The following TESK2 variants were observed in gnomAD, a reference collection of about 807,000 sequenced individuals.
TESK2 encodes the protein testis associated actin remodelling kinase 2.
Under a neutral mutation model 57.1 loss-of-function variants are expected in TESK2, and 39 were observed. That is an observed-to-expected ratio of 0.68 (90% CI 0.53 to 0.89). TESK2 has a LOEUF of 0.89. Among genes scored for constraint, TESK2 ranks in the 40% least tolerant of loss-of-function variants. The pLI is 0.00. For synonymous variants in TESK2, 249 were observed against 267.9 expected, an observed-to-expected ratio of 0.93 and a Z score of 0.69; for missense variants, 646 against 732.1, an observed-to-expected ratio of 0.88 and a Z score of 1.36.
intron 4 of TESK2, among the ~76,000 whole-genome samples, chr1:45,368,242 A>G (rs1408967474): frequency 6.6e-6 from 1 of 151,068 alleles, no homozygotes; most frequent in Non-Finnish European, 1.5e-5. Context: ...TGATCCACCC[A>G]TCTTGGCCTC....
chr1:45,392,791 C>T (rs1178432961), intron 3 of TESK2, among the ~76,000 whole-genome samples: 6 of 152,178 alleles, frequency 3.9e-5, no homozygotes, highest in South Asian at 2.1e-4. Flanking sequence ...GATCCTCCCA[C>T]CTCGGCCTCC....
intron 1 of TESK2, among the ~76,000 whole-genome samples, chr1:45,471,734 G>A (rs1206645974): frequency 6.6e-6 from 1 of 151,904 alleles, no homozygotes; most frequent in Non-Finnish European, 1.5e-5. Context: ...AGATAAGAGG[G>A]AAGGCTTAAT....
rs1414784306 is a variant in TESK2 at position 45,449,430 on chromosome 1, C to T, written c.222+8134G>A. On this transcript the variant is annotated intron_variant, in intron 2 of 10. Transcript: ENST00000372086. ...CAGCAGCTTTATTCATAATTGTCAA[C>T]ATATTGAAGCAACCAAGATGTCCTT... is the stretch of plus-strand genomic sequence containing the variant. 5.9e-5 allele frequency among the ~76,000 whole-genome samples: 9 copies of T among 151,972 alleles called. No homozygotes were observed. In the East Asian group the frequency reaches 9.6e-4, roughly 16 times the overall value.
chr1:45,385,247 G>T, intron 4 of TESK2: 1 of 735,918 alleles, frequency 1.4e-6, no homozygotes, highest in Non-Finnish European at 1.7e-6. Context: ...AGGAATCTGT[G>T]TTTCCAAGGA....
chr1:45,422,654 G>T (rs1475820623), intron 2 of TESK2, among the ~76,000 whole-genome samples: 1 of 149,648 alleles, frequency 6.7e-6, no homozygotes, highest in African/African-American at 2.4e-5. Context: ...ATGTTGGCCA[G>T]GCTGGTCTCA....
chr1:45,383,852 G>A (rs1047408677), intron 4 of TESK2, among the ~76,000 whole-genome samples: 1 of 152,150 alleles, frequency 6.6e-6, no homozygotes. Flanking sequence ...TTGATCTGGG[G>A]TGCTGGTTAT....
At chr1:45,449,126 G>A (rs982233188) in intron 2 of TESK2, among the ~76,000 whole-genome samples, 2 of 151,796 alleles carry the variant, frequency 1.3e-5, no homozygotes, top group African/African-American at 4.8e-5. Flanking sequence ...AGGAAGCTGA[G>A]GGAGGGTATT....
Position 45,431,873 on chromosome 1 carries a change from G to A in TESK2, c.223-10027C>T, listed in dbSNP as rs573303480. Reference sequence around the variant, plus strand: ...AAGGAATGGTGAGAAACTGGGTTTGGCTCAAGGCCTGGTGGGTACATGTTA... The same window carrying A: ...AAGGAATGGTGAGAAACTGGGTTTGACTCAAGGCCTGGTGGGTACATGTTA... On this transcript the variant is annotated intron_variant, in intron 2 of 10. Transcript: ENST00000372086. 5.5e-4 allele frequency among the ~76,000 whole-genome samples: 84 copies of A among 152,276 alleles called. 1 individual carries two copies. Among genetic ancestry groups the A allele is most frequent in the African/African-American group, 1.8e-3 (76 of 41,566 alleles).
intron 3 of TESK2, chr1:45,414,959 TA>T (rs1403204852): frequency 2.3e-5 from 13 of 570,098 alleles, no homozygotes; most frequent in Non-Finnish European, 3.7e-5. Context: ...AGTAAATGAA[TA>T]AAAAAAAGAT....
chr1:45,461,987 C>T (rs554185435), intron 1 of TESK2, among the ~76,000 whole-genome samples: 1 of 152,196 alleles, frequency 6.6e-6, no homozygotes, highest in South Asian at 2.1e-4. Context: ...TATTGCCGAC[C>T]GTAGTCATTC....
chr1:45,485,429 C>T (rs1330719321), intron 1 of TESK2, among the ~76,000 whole-genome samples: 1 of 151,962 alleles, frequency 6.6e-6, no homozygotes, highest in Non-Finnish European at 1.5e-5. Context: ...CCTCGTGATC[C>T]GCCCGCCTCG....
At chr1:45,427,127 C>T (rs962478786) in intron 2 of TESK2, among the ~76,000 whole-genome samples, 1 of 151,168 alleles carries the variant, frequency 6.6e-6, no homozygotes, top group Admixed American at 6.6e-5. Flanking sequence ...TCTGTAATTC[C>T]AGCTACTTGG....
Position 45,347,047 on chromosome 1 carries a change from A to G in TESK2, c.724T>C (p.Tyr242His). The stretch of plus-strand genomic sequence containing the variant: ...ATGATCTCGCAGAGGATGATACCAT[A>G]AGAGAACACATCTGCCTGGTGGGTA... The part of the protein sequence containing the change: ...PYNEKADVFS[Y>H]GIILCEIIAR... The change falls in exon 8 of 11, where the codon TAT becomes CAT. Residue 242 changes from tyrosine to histidine, a missense_variant. Tyr to His is a moderately conservative substitution (Grantham distance 83). Coordinates refer to ENST00000372086, the MANE Select transcript of TESK2 (RefSeq NM_007170.3). The G allele has an allele frequency of 6.2e-7, 1 of 1,614,148 alleles. No individual in the cohort carries two copies. Among genetic ancestry groups the G allele is most frequent in the South Asian group, 1.1e-5 (1 of 91,070 alleles).
In TESK2 at chr1:45,464,770, G is replaced by C. The variant is rs117490389; in HGVS notation, c.-86-6899C>G. On this transcript the variant is annotated intron_variant, in intron 1 of 10. Coordinates refer to ENST00000372086, the MANE Select transcript of TESK2 (RefSeq NM_007170.3). ...TTGCTCATTGCAGCTCAATGGGTCT[G>C]GTTTTACATTCTCAGCTAGCTAGGA... Among the ~76,000 whole-genome samples, 182 of 152,264 alleles carry C rather than the reference G, an allele frequency of 1.2e-3. 2 individuals carry two copies. The highest frequency in any genetic ancestry group is 0.012 in the East Asian group (60 of 5,184).
chr1:45,465,063 C>T (rs968688220), intron 1 of TESK2, among the ~76,000 whole-genome samples: 3 of 152,072 alleles, frequency 2.0e-5, no homozygotes, highest in Non-Finnish European at 2.9e-5. Context: ...ATGGTGAAAC[C>T]CCGTCTCTAC....
intron 4 of TESK2, 96 bp downstream of exon 4, chr1:45,385,816 T>C: frequency 2.5e-6 from 2 of 798,868 alleles, no homozygotes; most frequent in South Asian, 3.7e-5. Context: ...TAAATGCACA[T>C]ACATTTTGTT....
chr1:45,442,415 C>T (rs1224416237), intron 2 of TESK2, among the ~76,000 whole-genome samples: 1 of 152,070 alleles, frequency 6.6e-6, no homozygotes. Context: ...TGAATTATCT[C>T]ATGAGACTAG....
At chr1:45,445,062 C>T (rs1181957441) in intron 2 of TESK2, among the ~76,000 whole-genome samples, 1 of 152,148 alleles carries the variant, frequency 6.6e-6, no homozygotes, top group East Asian at 1.9e-4. Context: ...TCGGACCTTG[C>T]ATTCTGATGC....
chr1:45,419,039 G>A (rs1292977837), intron 3 of TESK2, among the ~76,000 whole-genome samples: 2 of 150,120 alleles, frequency 1.3e-5, no homozygotes, highest in Non-Finnish European at 3.0e-5. Flanking sequence ...ATACAGTGGC[G>A]CAATCTCAGC....
Sources: allele counts gnomAD v4.1 joint callset (sites outside exome capture counted in the v4.1 genomes callset), GRCh38; gene constraint gnomAD v4.1.1; transcripts MANE v1.5; gene names NCBI Gene and HGNC (gene_info 2026-07-23, HGNC 2026-07-21).